Variants in GABRG3 observed in about 807,000 individuals in gnomAD.
GABRG3 encodes gamma-aminobutyric acid type A receptor subunit gamma3.
GABRG3 carries 25 observed loss-of-function variants against 48.8 expected under a neutral mutation model. The ratio of observed to expected loss-of-function variants is 0.51; its 90% CI spans 0.37 to 0.72. The LOEUF is 0.72. GABRG3 is among the 30% of genes least tolerant of loss of function. The probability of loss-of-function intolerance (pLI) is 0.00; values close to 1 mark genes in which losing one functional copy is unlikely to be tolerated. For synonymous variants in GABRG3, 227 were observed against 217.6 expected, an observed-to-expected ratio of 1.04 and a Z score of -0.38; for missense variants, 394 against 577.9, an observed-to-expected ratio of 0.68 and a Z score of 3.26.
At chr15:27,519,943 G>C in intron 6 of GABRG3, 29 bp from the exon 7 acceptor site, 1 of 1,435,042 alleles carries the variant, frequency 7.0e-7, no homozygotes, top group Non-Finnish European at 9.3e-7. Flanking sequence ...CATCAAAGTT[G>C]TCTTAATTTT....
Position 27,389,525 on chromosome 15 carries a change from G to A in GABRG3, c.574+60637G>A, listed in dbSNP as rs149340506. The stretch of plus-strand genomic sequence containing the variant: ...GATAAATAAAGTATGTTGTTGGAGT[G>A]TGTGTAGTCCTCAGAAAAATGGTGT... On this transcript the variant is annotated intron_variant, in intron 5 of 9. Transcript: ENST00000615808. Among the ~76,000 whole-genome samples, 16 of 152,302 alleles carry A rather than the reference G, an allele frequency of 1.1e-4. 1 individual carries two copies. The highest frequency in any genetic ancestry group is 3.9e-4 in the African/African-American group (16 of 41,558).
intron 5 of GABRG3, among the ~76,000 whole-genome samples, chr15:27,446,239 A>C (rs1194976681): frequency 6.6e-6 from 1 of 152,208 alleles, no homozygotes; most frequent in African/African-American, 2.4e-5. Flanking sequence ...GAGTAGTATT[A>C]TCATCTTAAC....
intron 5 of GABRG3, chr15:27,364,077 C>T (rs56065547): frequency 6.6e-6 from 1 of 152,066 alleles, no homozygotes; most frequent in Non-Finnish European, 1.5e-5. Flanking sequence ...CAGTCACTAC[C>T]GAAACACAAG....
At chr15:27,314,095 C>T (rs1487680607) in intron 3 of GABRG3, among the ~76,000 whole-genome samples, 4 of 151,796 alleles carry the variant, frequency 2.6e-5, no homozygotes, top group Non-Finnish European at 5.9e-5. Context: ...AAAAGAAGCT[C>T]GATAATGAAA....
intron 2 of GABRG3, among the ~76,000 whole-genome samples, chr15:27,005,222 G>A (rs547401749): frequency 7.3e-5 from 11 of 151,568 alleles, no homozygotes; most frequent in Non-Finnish European, 1.6e-4. Flanking sequence ...TTATTTTTGA[G>A]ATGGAGTCTC....
chr15:27,249,526 C>T (rs987802507), intron 3 of GABRG3, among the ~76,000 whole-genome samples: 1 of 152,162 alleles, frequency 6.6e-6, no homozygotes, highest in African/African-American at 2.4e-5. Context: ...CCCCCGGTTA[C>T]GACATCTGCT....
At chr15:27,187,149 C>G (rs1888124047) in intron 3 of GABRG3, among the ~76,000 whole-genome samples, 1 of 152,112 alleles carries the variant, frequency 6.6e-6, no homozygotes, top group African/African-American at 2.4e-5. Flanking sequence ...GGCTGGCAGA[C>G]CAGTTATCCC....
rs553465918 is a variant in GABRG3, at chr15:27,365,995, G to C, written c.574+37107G>C. The C allele has an allele frequency of 9.2e-5, 14 of 152,314 alleles. No individual in the cohort carries two copies. The South Asian group carries it at 1.9e-3, about 20-fold the overall frequency. The allele number at this position is 152,314 out of a possible 1,614,324, so 9.4% of individuals were successfully genotyped here. ...TTTTTCTAGGCATAAATGGAAGAAG[G>C]TTCCCCTTTATGGGAGTTCGTTTTC... On this transcript the variant is annotated intron_variant, in intron 5 of 9. Transcript: ENST00000615808.
At chr15:27,139,661 A>G (rs747373926) in intron 3 of GABRG3, among the ~76,000 whole-genome samples, 3 of 152,188 alleles carry the variant, frequency 2.0e-5, no homozygotes, top group Non-Finnish European at 4.4e-5. Context: ...TATTTGTGAT[A>G]CTATAAAACA....
intron 3 of GABRG3, among the ~76,000 whole-genome samples, chr15:27,049,809 G>A (rs1896426632): frequency 6.6e-6 from 1 of 152,218 alleles, no homozygotes; most frequent in South Asian, 2.1e-4. Flanking sequence ...GCAGGGCTCT[G>A]GGAGGGGCAC....
Position 27,352,261 on chromosome 15 carries a change from C to T in GABRG3, c.574+23373C>T, listed in dbSNP as rs552547758. On this transcript the variant is annotated intron_variant, in intron 5 of 9. Transcript: ENST00000615808. This position sits in a 1 kb window ranked among gnomAD's most constrained non-coding sequence, Gnocchi z 4.0. ...CAGACCGTTCAGCTAATCTCCGTCTCGCGCTCACTGTTCACAGCGTAAATC... is the reference window on the plus strand; with the variant it reads ...CAGACCGTTCAGCTAATCTCCGTCTTGCGCTCACTGTTCACAGCGTAAATC... 6.6e-6 allele frequency among the ~76,000 whole-genome samples: 1 copy of T among 151,736 alleles called. No individual in the cohort carries two copies. Among genetic ancestry groups the T allele is most frequent in the Non-Finnish European group, 1.5e-5 (1 of 67,964 alleles).
chr15:27,004,272 G>A (rs1311012824), intron 2 of GABRG3, among the ~76,000 whole-genome samples: 1 of 151,712 alleles, frequency 6.6e-6, no homozygotes, highest in South Asian at 2.1e-4. Flanking sequence ...CTTCTCAGAC[G>A]GGGCGGCCGG....
At chr15:27,525,815 G>A (rs538118394) in intron 7 of GABRG3, among the ~76,000 whole-genome samples, 3 of 151,988 alleles carry the variant, frequency 2.0e-5, no homozygotes, top group Non-Finnish European at 4.4e-5. Context: ...GTATTCCCTG[G>A]GGGAGAACAT....
At chr15:27,209,364 T>C (rs1402152696) in intron 3 of GABRG3, among the ~76,000 whole-genome samples, 1 of 151,968 alleles carries the variant, frequency 6.6e-6, no homozygotes, top group Non-Finnish European at 1.5e-5. Context: ...CCTTCCTTCC[T>C]TCCTTCTTTC....
intron 2 of GABRG3, among the ~76,000 whole-genome samples, chr15:27,003,297 A>G (rs1301974020): frequency 6.7e-6 from 1 of 150,294 alleles, no homozygotes; most frequent in Admixed American, 6.7e-5. Context: ...TCATAGGACA[A>G]TAGTGGAGGG....
intron 3 of GABRG3, among the ~76,000 whole-genome samples, chr15:27,185,054 T>G (rs540533778): frequency 3.3e-5 from 5 of 152,274 alleles, no homozygotes; most frequent in African/African-American, 1.2e-4. Flanking sequence ...CTTATTTTCA[T>G]TATTTCCTTC....
chr15:27,123,853 C>T (rs899685486), intron 3 of GABRG3, among the ~76,000 whole-genome samples: 11 of 152,110 alleles, frequency 7.2e-5, no homozygotes, highest in African/African-American at 2.4e-4. Flanking sequence ...AAGCCGAGGC[C>T]ACTGTGGAGG....
At chr15:27,271,289 G>C (rs139165195) in intron 3 of GABRG3, among the ~76,000 whole-genome samples, 1 of 152,196 alleles carries the variant, frequency 6.6e-6, no homozygotes, top group African/African-American at 2.4e-5. Context: ...CCAGCCCTGC[G>C]ACAGACCTTT....
intron 5 of GABRG3, among the ~76,000 whole-genome samples, chr15:27,361,195 G>A (rs1895012376): frequency 1.3e-5 from 2 of 152,214 alleles, no homozygotes; most frequent in Admixed American, 1.3e-4. Flanking sequence ...TGTGAAGGGA[G>A]TGTGTCTTTG....
Sources: gnomAD v4.1 joint callset for allele counts (sites outside exome capture counted in the v4.1 genomes callset) on GRCh38, gnomAD v4.1.1 for gene constraint, Gnocchi (gnomAD v3.1) non-coding constraint, MANE v1.5 for transcripts, NCBI Gene and HGNC (gene_info 2026-07-23, HGNC 2026-07-21) for gene names.